COL8A1: variants seen among roughly 807,000 people sequenced by gnomAD.
The protein encoded by COL8A1 is collagen type VIII alpha 1 chain.
In COL8A1, 21 loss-of-function variants were observed where a neutral mutation model predicts 42.7. The ratio of observed to expected loss-of-function variants is 0.49; its 90% CI spans 0.35 to 0.71. The LOEUF is 0.71. Among genes scored for constraint, COL8A1 ranks in the 30% least tolerant of loss-of-function variants. The pLI is 0.01. For synonymous variants in COL8A1, 367 were observed against 369.1 expected (o/e 0.99, Z 0.06); for missense variants, 788 against 962.4 (o/e 0.82, Z 2.40).
At chr3:99,759,616 A>T (rs1941327504) in intron 2 of COL8A1, among the ~76,000 whole-genome samples, 1 of 152,230 alleles carries the variant, frequency 6.6e-6, no homozygotes, top group African/African-American at 2.4e-5. Context: ...TCAAATGTAC[A>T]AGATTTTCAG....
chr3:99,723,029 G>A (rs1940202010), intron 1 of COL8A1, among the ~76,000 whole-genome samples: 2 of 151,708 alleles, frequency 1.3e-5, no homozygotes, highest in South Asian at 4.2e-4. Context: ...GTGTGTGTGT[G>A]TGTGTAATAA....
intron 1 of COL8A1, among the ~76,000 whole-genome samples, chr3:99,728,859 T>C (rs2107380773): frequency 6.6e-6 from 1 of 152,162 alleles, no homozygotes; most frequent in South Asian, 2.1e-4. Context: ...CTCAAATATC[T>C]GGATAAGTAA....
chr3:99,727,167 T>G (rs1940359247), intron 1 of COL8A1, among the ~76,000 whole-genome samples: 1 of 152,136 alleles, frequency 6.6e-6, no homozygotes, highest in South Asian at 2.1e-4. Context: ...TTTATTCTCT[T>G]TGAAGCAATT....
At chr3:99,684,878 G>A (rs1939001058) in intron 1 of COL8A1, among the ~76,000 whole-genome samples, 1 of 152,168 alleles carries the variant, frequency 6.6e-6, no homozygotes, top group Admixed American at 6.5e-5. Flanking sequence ...GACTGGATTA[G>A]CATGACTGAA....
At chr3:99,651,989 A>G (rs1038341253) in intron 1 of COL8A1, among the ~76,000 whole-genome samples, 1 of 152,262 alleles carries the variant, frequency 6.6e-6, no homozygotes, top group Non-Finnish European at 1.5e-5. Flanking sequence ...GCCTTGTAAA[A>G]TGTTTACAAA....
At chr3:99,736,291 T>A (rs1940711909) in intron 1 of COL8A1, among the ~76,000 whole-genome samples, 1 of 152,192 alleles carries the variant, frequency 6.6e-6, no homozygotes, top group Non-Finnish European at 1.5e-5. Context: ...GGACATTTAG[T>A]GCTATAAATT....
At chr3:99,662,073 G>C (rs960489764) in intron 1 of COL8A1, among the ~76,000 whole-genome samples, 2 of 152,094 alleles carry the variant, frequency 1.3e-5, no homozygotes, top group African/African-American at 4.8e-5. Flanking sequence ...CCATTGAACT[G>C]TACACTTAAA....
At chr3:99,641,793 C>T (rs183693880) in intron 1 of COL8A1, among the ~76,000 whole-genome samples, 8 of 152,264 alleles carry the variant, frequency 5.3e-5, no homozygotes, top group African/African-American at 1.9e-4. Flanking sequence ...CCCCTATAAA[C>T]ATACATGTAC....
intron 1 of COL8A1, among the ~76,000 whole-genome samples, chr3:99,709,405 A>G (rs551272330): frequency 2.0e-5 from 3 of 152,164 alleles, no homozygotes; most frequent in Non-Finnish European, 2.9e-5. Context: ...TTTAATGTCT[A>G]TCTTCTACAT....
intron 1 of COL8A1, among the ~76,000 whole-genome samples, chr3:99,740,038 G>A (rs1286779058): frequency 6.6e-6 from 1 of 152,126 alleles, no homozygotes; most frequent in African/African-American, 2.4e-5. Flanking sequence ...CTAGGGCAGG[G>A]GCAAAATGTG....
intron 1 of COL8A1, among the ~76,000 whole-genome samples, chr3:99,647,013 A>C (rs1301254614): frequency 6.6e-6 from 1 of 152,312 alleles, no homozygotes; most frequent in East Asian, 1.9e-4. Context: ...GCTACCTGGG[A>C]TTCATCAGTG....
chr3:99,733,424 T>C (rs1940588815), intron 1 of COL8A1, among the ~76,000 whole-genome samples: 1 of 140,030 alleles, frequency 7.1e-6, no homozygotes, highest in African/African-American at 2.7e-5. Flanking sequence ...TTGCGATAGT[T>C]TACTGAGAAT....
rs1440169402 is a variant in COL8A1, at chr3:99,796,596, G to A, written c.*460G>A. The A allele has an allele frequency of 6.5e-6, 1 of 153,060 alleles. No individual in the cohort carries two copies. Among genetic ancestry groups the A allele is most frequent in the African/African-American group, 2.4e-5 (1 of 41,450 alleles). 9.5% of individuals were successfully genotyped at this position (153,060 alleles called of 1,614,324 possible). ...CTTGCTTAATTTCCTCTGTATTTGT[G>A]TAGATACTTTGACATGGAATATATG... On this transcript the variant is annotated 3_prime_UTR_variant, in exon 4 of 4. Transcript: ENST00000652472.
intron 1 of COL8A1, among the ~76,000 whole-genome samples, chr3:99,664,454 C>T (rs1340403810): frequency 6.6e-6 from 1 of 151,686 alleles, no homozygotes; most frequent in Non-Finnish European, 1.5e-5. Flanking sequence ...TTTAAAACTG[C>T]ACATGTACCC....
chr3:99,761,525 C>G (rs1341625248), intron 2 of COL8A1, among the ~76,000 whole-genome samples: 1 of 152,138 alleles, frequency 6.6e-6, no homozygotes, highest in Non-Finnish European at 1.5e-5. Flanking sequence ...GTTTGCACCT[C>G]CTTGCACATG....
Position 99,795,824 on chromosome 3 carries a change from C to T in COL8A1, c.1923C>T (p.Asn641=), listed in dbSNP as rs773581749. ...TGAAGTTTAACAAACTGCTGTATAA[C>T]GGCAGACAGAACTACAACCCGCAGA... ...APVKFNKLLY[N]GRQNYNPQTG... The change falls in exon 4 of 4, where the codon AAC becomes AAT. Residue 641 remains asparagine, a synonymous_variant. Coordinates refer to ENST00000652472, the MANE Select transcript of COL8A1 (RefSeq NM_020351.4). The T allele has an allele frequency of 8.7e-6, 14 of 1,614,148 alleles. No homozygotes were observed. Among genetic ancestry groups the T allele is most frequent in the Admixed American group, 5.0e-5 (3 of 60,028 alleles).
At chr3:99,697,124 C>T (rs62281855) in intron 1 of COL8A1, among the ~76,000 whole-genome samples, 4,263 of 149,564 alleles carry the variant, frequency 0.029, 73 homozygotes, top group Non-Finnish European at 0.045. Flanking sequence ...GTAGCTGGGA[C>T]TACAGGCGCC....
rs1019717407 is a variant in COL8A1, at chr3:99,797,712, G to C, written c.*1576G>C. On this transcript the variant is annotated 3_prime_UTR_variant, in exon 4 of 4. Coordinates refer to ENST00000652472, the MANE Select transcript of COL8A1 (RefSeq NM_020351.4). ...CTGCTTCTGGGTGTAGGTAGTAAAAGTATAGGAAAAGAACTGTTTCCTTAG... is the reference window on the plus strand; with the variant it reads ...CTGCTTCTGGGTGTAGGTAGTAAAACTATAGGAAAAGAACTGTTTCCTTAG... 3.3e-5 allele frequency: 5 copies of C among 152,218 alleles called. No homozygotes were observed. The highest frequency in any genetic ancestry group is 1.3e-4 in the Admixed American group (2 of 15,284). 9.4% of individuals were successfully genotyped at this position (152,218 alleles called of 1,614,324 possible).
rs1463033194 is a variant in COL8A1, at chr3:99,671,918, T to C, written c.-129+33254T>C. On this transcript the variant is annotated intron_variant, in intron 1 of 3. Transcript: ENST00000652472. ...CTAGCCAAGATATAGACATCAAATT[T>C]TGAGAAAAGCAAGTATTCAATTATG... Among the ~76,000 whole-genome samples the C allele has an allele frequency of 2.0e-5, 3 of 152,144 alleles. No homozygotes were observed. The East Asian group carries it at 5.8e-4, about 29-fold the overall frequency.
Sources: allele counts gnomAD v4.1 joint callset (sites outside exome capture counted in the v4.1 genomes callset), GRCh38; gene constraint gnomAD v4.1.1; transcripts MANE v1.5; gene names NCBI Gene and HGNC (gene_info 2026-07-23, HGNC 2026-07-21).